The following APBA2 variants were observed in gnomAD, a reference collection of about 807,000 sequenced individuals.
APBA2 encodes the protein amyloid beta precursor protein binding family A member 2.
A neutral mutation model predicts 75.0 loss-of-function variants in APBA2; 30 were observed. The observed-to-expected ratio is 0.40, with a 90% CI of 0.30 to 0.54. The LOEUF (loss-of-function observed/expected upper bound fraction) is 0.54, where lower values mean the gene tolerates loss of function less well. Ranked by LOEUF, APBA2 falls within the 20% of genes least tolerant of loss-of-function variation. The probability of loss-of-function intolerance (pLI) is 0.49; values close to 1 mark genes in which losing one functional copy is unlikely to be tolerated. For missense variants in APBA2, 801 were observed against 1,016.1 expected, an observed-to-expected ratio of 0.79 and a Z score of 2.88; for synonymous variants, 444 against 409.6, an observed-to-expected ratio of 1.08 and a Z score of -1.01.
intron 2 of APBA2, among the ~76,000 whole-genome samples, chr15:28,957,845 C>G (rs770889461): frequency 6.6e-6 from 1 of 152,182 alleles, no homozygotes; most frequent in Non-Finnish European, 1.5e-5. Flanking sequence ...TCTGTGGGAG[C>G]ACAATATGTC....
intron 1 of APBA2, among the ~76,000 whole-genome samples, chr15:28,915,071 CAT>C (rs2033606297): frequency 6.7e-6 from 1 of 148,902 alleles, no homozygotes; most frequent in East Asian, 2.0e-4. Flanking sequence ...ACACATACCC[CAT>C]ATACACCACA....
intron 3 of APBA2, among the ~76,000 whole-genome samples, chr15:29,038,241 A>G (rs2040844877): frequency 6.6e-6 from 1 of 152,098 alleles, no homozygotes. Flanking sequence ...ACTCTGGCTC[A>G]CCACAGAGCT....
intron 6 of APBA2, among the ~76,000 whole-genome samples, chr15:29,085,146 C>T (rs770739482): frequency 2.4e-4 from 37 of 152,156 alleles, no homozygotes; most frequent in Non-Finnish European, 3.7e-4. Context: ...GAAACTTTCC[C>T]TCAAGTATTT....
chr15:29,079,952 T>C (rs2043016534), intron 6 of APBA2, among the ~76,000 whole-genome samples: 1 of 152,172 alleles, frequency 6.6e-6, no homozygotes, highest in South Asian at 2.1e-4. Context: ...GAGGAGTAAG[T>C]ACTTTCCCCC....
intron 1 of APBA2, among the ~76,000 whole-genome samples, chr15:28,905,665 A>G (rs1415457152): frequency 6.6e-6 from 1 of 152,204 alleles, no homozygotes; most frequent in East Asian, 1.9e-4. Context: ...AGCTGGGACT[A>G]CAGGTACATG....
At chr15:28,915,457 C>T (rs1366626984) in intron 1 of APBA2, among the ~76,000 whole-genome samples, 3 of 149,886 alleles carry the variant, frequency 2.0e-5, no homozygotes, top group Non-Finnish European at 4.5e-5. Flanking sequence ...ATACCACACA[C>T]ACCACATAAT....
At chr15:29,004,132 G>T (rs1267656138) in intron 3 of APBA2, among the ~76,000 whole-genome samples, 1 of 152,220 alleles carries the variant, frequency 6.6e-6, no homozygotes, top group Admixed American at 6.5e-5. Flanking sequence ...GCTGGAGGGA[G>T]ACTGAGGCCC....
intron 2 of APBA2, among the ~76,000 whole-genome samples, chr15:28,961,845 T>TTTTAAGTG (rs2036490694): frequency 6.6e-6 from 1 of 152,210 alleles, no homozygotes; most frequent in Non-Finnish European, 1.5e-5. Context: ...TTAGTATTTT[T>TTTTAAGTG]AAGCATATTT....
intron 1 of APBA2, among the ~76,000 whole-genome samples, chr15:28,901,591 T>A (rs935864375): frequency 6.6e-6 from 1 of 152,144 alleles, no homozygotes; most frequent in Admixed American, 6.5e-5. Flanking sequence ...ATGTTCTTGG[T>A]TGGGGGGTGG....
At chr15:29,069,538 G>A (rs905217368) in intron 4 of APBA2, among the ~76,000 whole-genome samples, 2 of 152,244 alleles carry the variant, frequency 1.3e-5, no homozygotes, top group Non-Finnish European at 2.9e-5. Context: ...CACCTTGATG[G>A]TTTGGTCTCT....
At chr15:28,956,265 C>G (rs4779594) in intron 2 of APBA2, among the ~76,000 whole-genome samples, 37,133 of 151,936 alleles carry the variant, frequency 0.24, 8,087 homozygotes, top group African/African-American at 0.56. Flanking sequence ...CAGTTGTACA[C>G]CATGGTGTTT....
chr15:28,969,337 A>G (rs2036939365), intron 2 of APBA2, among the ~76,000 whole-genome samples: 1 of 151,662 alleles, frequency 6.6e-6, no homozygotes. Context: ...TGCACCACCA[A>G]GCCTGGCTAA....
intron 2 of APBA2, among the ~76,000 whole-genome samples, chr15:28,962,065 T>A (rs1273824049): frequency 1.3e-5 from 2 of 152,142 alleles, no homozygotes; most frequent in Non-Finnish European, 1.5e-5. Flanking sequence ...GGTGGTTTTT[T>A]AAAATTTATT....
chr15:28,957,880 G>A (rs1345218484), intron 2 of APBA2, among the ~76,000 whole-genome samples: 6 of 152,218 alleles, frequency 3.9e-5, no homozygotes, highest in Non-Finnish European at 8.8e-5. Flanking sequence ...CAAGGCAGAA[G>A]GGAGCACCAT....
In APBA2 at chr15:29,105,476, A is replaced by G. The variant is rs1384440989; in HGVS notation, c.1622A>G (p.Lys541Arg). The part of the protein sequence containing the change: ...NGINPEDLSQ[K>R]EYSDIINTQE... ...ATCAACCCCGAAGACTTGAGCCAGAAGGAATACAGCGACATCATCAACACC... is the reference window on the plus strand; with the variant it reads ...ATCAACCCCGAAGACTTGAGCCAGAGGGAATACAGCGACATCATCAACACC... The change falls in exon 11 of 15, where the codon AAG (lysine) becomes AGG (arginine). Residue 541 changes from lysine (K) to arginine (R), a missense_variant. This residue lies in a region of APBA2 where 367 missense variants were observed against 544.5 expected (regional missense o/e 0.67). Transcript: ENST00000683413. The G allele has an allele frequency of 6.2e-7, 1 of 1,614,016 alleles. No homozygotes were observed. The highest frequency in any genetic ancestry group is 1.7e-5 in the Admixed American group (1 of 60,018).
chr15:28,918,746 C>T lies in APBA2; in HGVS notation c.-204-2894C>T, dbSNP rs1218370794. Among the ~76,000 whole-genome samples the T allele has an allele frequency of 1.3e-5, 2 of 152,108 alleles. No homozygotes were observed. The highest frequency in any genetic ancestry group is 2.4e-5 in the African/African-American group (1 of 41,438). On this transcript the variant is annotated intron_variant, in intron 1 of 14. Transcript: ENST00000683413. This position sits in a 1 kb window ranked among gnomAD's most constrained non-coding sequence, Gnocchi z 4.2. ...CCATGGCAGCTGGAGAGCGGGCGAC[C>T]GGTCGCTTGGCGTCCTGCTTGGGGT...
chr15:29,039,095 C>A (rs2040890984), intron 3 of APBA2, among the ~76,000 whole-genome samples: 1 of 92,058 alleles, frequency 1.1e-5, no homozygotes, highest in Non-Finnish European at 2.5e-5. Context: ...AGCTGTATGT[C>A]AGGGTGTGTG....
chr15:29,055,668 AGTGT>A (rs57671107), intron 4 of APBA2, among the ~76,000 whole-genome samples: 24,915 of 127,118 alleles, frequency 0.2, 2,160 homozygotes, highest in African/African-American at 0.25. Context: ...CATGAATTTG[AGTGT>A]GTGTGTGTGT....
intron 2 of APBA2, among the ~76,000 whole-genome samples, chr15:28,924,824 G>A (rs1318683541): frequency 6.6e-6 from 1 of 152,070 alleles, no homozygotes; most frequent in African/African-American, 2.4e-5. Flanking sequence ...CACTTTTCCA[G>A]GAACTGCCAA....
Sources: gnomAD v4.1 joint callset for allele counts (sites outside exome capture counted in the v4.1 genomes callset) on GRCh38, gnomAD v4.1.1 for gene constraint, gnomAD v4.1.1 regional missense constraint, Gnocchi (gnomAD v3.1) non-coding constraint, MANE v1.5 for transcripts, NCBI Gene and HGNC (gene_info 2026-07-23, HGNC 2026-07-21) for gene names.